TEX2: variants seen among roughly 807,000 people sequenced by gnomAD.
The protein encoded by TEX2 is testis expressed 2, also known as testis-expressed protein 2.
In TEX2, 53 loss-of-function variants were observed where a neutral mutation model predicts 106.9. That is an observed-to-expected ratio of 0.50 (90% CI 0.40 to 0.62). The LOEUF (loss-of-function observed/expected upper bound fraction) is 0.62, where lower values mean the gene tolerates loss of function less well. Among genes scored for constraint, TEX2 ranks in the 20% least tolerant of loss-of-function variants. The pLI is 0.00. For missense variants in TEX2, 1,207 were observed against 1,379.0 expected (o/e 0.88, Z 1.98); for synonymous variants, 523 against 534.8 (o/e 0.98, Z 0.30).
At chr17:64,157,545 G>A (rs528910588) in intron 8 of TEX2, among the ~76,000 whole-genome samples, 1 of 152,310 alleles carries the variant, frequency 6.6e-6, no homozygotes, top group East Asian at 1.9e-4. Context: ...GACTGTGGAG[G>A]CAATTCTAAA....
chr17:64,218,061 CAACT>C (rs1261996859), intron 1 of TEX2, among the ~76,000 whole-genome samples: 14 of 152,078 alleles, frequency 9.2e-5, no homozygotes, highest in African/African-American at 1.2e-4. Flanking sequence ...CTGCTGAACA[CAACT>C]AACAATGAAT....
At chr17:64,152,798 C>T (rs1024273466) in intron 10 of TEX2, 147 bp downstream of exon 10, 7 of 686,104 alleles carry the variant, frequency 1.0e-5, no homozygotes, top group Non-Finnish European at 1.2e-5. Context: ...AGATTTGCAA[C>T]TAATATTAAG....
At chr17:64,207,191 C>T (rs1306218077) in intron 2 of TEX2, among the ~76,000 whole-genome samples, 8 of 152,194 alleles carry the variant, frequency 5.3e-5, no homozygotes, top group Admixed American at 5.2e-4. Flanking sequence ...AGGGGCAAGA[C>T]TCTTAGTCCA....
chr17:64,247,631 G>A (rs376984089), intron 1 of TEX2, among the ~76,000 whole-genome samples: 9 of 152,204 alleles, frequency 5.9e-5, no homozygotes, highest in East Asian at 1.9e-4. Flanking sequence ...TTCGCTCACC[G>A]GTGTTGTCTG....
intron 8 of TEX2, among the ~76,000 whole-genome samples, chr17:64,159,147 G>A (rs1445606557): frequency 6.6e-6 from 1 of 152,140 alleles, no homozygotes; most frequent in Non-Finnish European, 1.5e-5. Flanking sequence ...ACGCATACGT[G>A]GCAAGCACCT....
intron 7 of TEX2, among the ~76,000 whole-genome samples, chr17:64,166,422 C>G (rs903216411): frequency 6.6e-5 from 10 of 152,190 alleles, no homozygotes; most frequent in Non-Finnish European, 1.3e-4. Flanking sequence ...AGAGCCAGTG[C>G]TCATGGGCAG....
intron 8 of TEX2, among the ~76,000 whole-genome samples, chr17:64,157,151 A>T (rs541783396): frequency 6.6e-6 from 1 of 152,334 alleles, no homozygotes; most frequent in Non-Finnish European, 1.5e-5. Context: ...ATTCATTTTT[A>T]TAAATGAACA....
chr17:64,157,500 T>C (rs779819171), intron 8 of TEX2, among the ~76,000 whole-genome samples: 3 of 152,232 alleles, frequency 2.0e-5, no homozygotes, highest in Non-Finnish European at 2.9e-5. Flanking sequence ...GCAGGACAAT[T>C]TGCTGTCACT....
intron 1 of TEX2, among the ~76,000 whole-genome samples, chr17:64,255,015 T>A (rs1040323961): frequency 1.3e-5 from 2 of 150,148 alleles, no homozygotes; most frequent in Non-Finnish European, 3.0e-5. Flanking sequence ...CAGGTGTGTG[T>A]CACTGCATCT....
At chr17:64,179,370 C>G (rs375603356) in intron 5 of TEX2, among the ~76,000 whole-genome samples, 14 of 152,314 alleles carry the variant, frequency 9.2e-5, no homozygotes, top group African/African-American at 3.4e-4. Flanking sequence ...AGGACAAAAA[C>G]AGAACATGGG....
intron 7 of TEX2, among the ~76,000 whole-genome samples, chr17:64,168,095 A>G (rs372378287): frequency 1.3e-5 from 2 of 152,282 alleles, no homozygotes; most frequent in East Asian, 3.9e-4. Flanking sequence ...GGCGCTCCTT[A>G]GAGCTGTGAA....
intron 1 of TEX2, among the ~76,000 whole-genome samples, chr17:64,254,038 G>T (rs2034140287): frequency 6.6e-6 from 1 of 152,190 alleles, no homozygotes. Flanking sequence ...AACTCCCAAA[G>T]CTGGGGCTCA....
In TEX2 at chr17:64,185,179, A is replaced by G. The variant is rs1005650776; in HGVS notation, c.2424+2989T>C. 1.3e-5 allele frequency among the ~76,000 whole-genome samples: 2 copies of G among 151,894 alleles called. No individual in the cohort carries two copies. The highest frequency in any genetic ancestry group is 4.8e-5 in the African/African-American group (2 of 41,422). The stretch of plus-strand genomic sequence containing the variant: ...AGTAGTAATAAGGACAGGACTCTCC[A>G]TACCGGGGTGGCATATGTTAATATT... On this transcript the variant is annotated intron_variant, in intron 5 of 11. Transcript: ENST00000584379. The surrounding 1 kb of genome is among the most constrained non-coding windows in gnomAD (Gnocchi z 4.0).
rs2032815092 is a variant in TEX2, at chr17:64,205,961, G to A, written c.1644+6613C>T. On this transcript the variant is annotated intron_variant, in intron 2 of 11. Coordinates refer to ENST00000584379, the MANE Select transcript of TEX2 (RefSeq NM_001288732.2). This position sits in a 1 kb window ranked among gnomAD's most constrained non-coding sequence, Gnocchi z 4.0. ...GTGAATATAATTCAAAATTGCATCT[G>A]AGTCATATACTCAAACATAAATCCA... Among the ~76,000 whole-genome samples, 1 of 152,140 alleles carries A rather than the reference G, an allele frequency of 6.6e-6. No homozygotes were observed. Among genetic ancestry groups the A allele is most frequent in the Non-Finnish European group, 1.5e-5 (1 of 68,028 alleles).
rs573248309 is a variant in TEX2, at chr17:64,148,579, CTG to C, written c.*388_*389del. On this transcript the variant is annotated 3_prime_UTR_variant, in exon 12 of 12. Coordinates refer to ENST00000584379, the MANE Select transcript of TEX2 (RefSeq NM_001288732.2). ...CAAAGTATAGAAGTGAAAAAGTCCA[CTG>C]TGCACCGGCTGCCTGAAGAAAAGCT... The C allele has an allele frequency of 7.0e-4, 123 of 174,900 alleles. No homozygotes were observed. Among genetic ancestry groups the C allele is most frequent in the African/African-American group, 2.9e-3 (120 of 42,058 alleles). 10.8% of individuals were successfully genotyped at this position (174,900 alleles called of 1,614,324 possible).
At chr17:64,184,262 AT>A (rs908418057) in intron 5 of TEX2, among the ~76,000 whole-genome samples, 17 of 148,020 alleles carry the variant, frequency 1.1e-4, no homozygotes, top group African/African-American at 3.0e-4. Context: ...TGTCTGGCTA[AT>A]TTTTTTTTTC....
rs138826492 is a variant in TEX2, at chr17:64,177,441, C to T, written c.2455G>A (p.Glu819Lys). 5.6e-6 allele frequency: 9 copies of T among 1,614,040 alleles called. No individual in the cohort carries two copies. The highest frequency in any genetic ancestry group is 2.7e-5 in the African/African-American group (2 of 74,916). Reference sequence around the variant, plus strand: ...AAGGCATTCACCCAGGCTTCCTGTTCTTCCTCCTCAGAGGGTGGAACCTCT... The same window carrying T: ...AAGGCATTCACCCAGGCTTCCTGTTTTTCCTCCTCAGAGGGTGGAACCTCT... Reference protein sequence around the residue: ...LPEVPPSEEEEQEAWVNALLG... With the variant: ...LPEVPPSEEEKQEAWVNALLG... Residue 819 changes from glutamate (E) to lysine (K), a missense_variant, in exon 6 of 12, where the codon GAA becomes AAA. Physicochemically the swap from Glu to Lys is moderately conservative, Grantham distance 56. Transcript: ENST00000584379.
chr17:64,194,011 A>T, intron 3 of TEX2, 122 bp from the exon 4 acceptor site: 2 of 560,750 alleles, frequency 3.6e-6, no homozygotes, highest in Non-Finnish European at 5.4e-6. Context: ...AATATGAAAT[A>T]ACTTTCAACA....
At chr17:64,166,100 C>T (rs1296790054) in intron 7 of TEX2, among the ~76,000 whole-genome samples, 4 of 152,176 alleles carry the variant, frequency 2.6e-5, no homozygotes, top group African/African-American at 7.2e-5. Context: ...GTTCTGAAAC[C>T]GCTGGACTCA....
Sources: allele counts gnomAD v4.1 joint callset (sites outside exome capture counted in the v4.1 genomes callset), GRCh38; gene constraint gnomAD v4.1.1; non-coding constraint Gnocchi (gnomAD v3.1); transcripts MANE v1.5; gene names NCBI Gene and HGNC (gene_info 2026-07-23, HGNC 2026-07-21).